FHIT: variants seen among roughly 807,000 people sequenced by gnomAD.
The protein encoded by FHIT is bis(5'-adenosyl)-triphosphatase.
In FHIT, 19 loss-of-function variants were observed where a neutral mutation model predicts 17.9. The observed-to-expected ratio is 1.06, with a 90% CI of 0.74 to 1.56. The LOEUF (loss-of-function observed/expected upper bound fraction) is 1.56, where lower values mean the gene tolerates loss of function less well. Ranked by LOEUF, FHIT falls within the 40% of genes most tolerant of loss-of-function variation. The pLI, the probability that FHIT is intolerant of heterozygous loss-of-function variation, is 0.00. For missense variants in FHIT, 248 were observed against 189.2 expected (o/e 1.31, Z -1.82); for synonymous variants, 81 against 69.7 (o/e 1.16, Z -0.81).
intron 4 of FHIT, among the ~76,000 whole-genome samples, chr3:60,564,057 T>C (rs977696753): frequency 2.0e-5 from 3 of 152,118 alleles, no homozygotes; most frequent in Non-Finnish European, 1.5e-5. Context: ...AAACTGAATC[T>C]CTTGTTAGGG....
chr3:60,221,748 T>A (rs569094777), intron 5 of FHIT, among the ~76,000 whole-genome samples: 2 of 152,218 alleles, frequency 1.3e-5, no homozygotes, highest in Admixed American at 6.5e-5. Flanking sequence ...TTCCCATAGA[T>A]CTTTTAATGA....
chr3:60,893,463 T>C (rs1553761164), intron 3 of FHIT, among the ~76,000 whole-genome samples: 2 of 152,200 alleles, frequency 1.3e-5, no homozygotes, highest in African/African-American at 4.8e-5. Flanking sequence ...TTTCCTACAC[T>C]TTAAAGTGTA....
chr3:60,193,560 G>T (rs1241298367), intron 5 of FHIT, among the ~76,000 whole-genome samples: 1 of 152,178 alleles, frequency 6.6e-6, no homozygotes, highest in East Asian at 1.9e-4. Flanking sequence ...GGACATAGAT[G>T]AGGCAGAAAA....
intron 7 of FHIT, among the ~76,000 whole-genome samples, chr3:59,973,061 C>T (rs886547159): frequency 5.3e-5 from 8 of 152,086 alleles, no homozygotes; most frequent in African/African-American, 1.9e-4. Context: ...TCCTCTAACT[C>T]TTAAAGTACT....
At chr3:60,098,490 G>GT (rs1231500291) in intron 5 of FHIT, among the ~76,000 whole-genome samples, 3 of 151,874 alleles carry the variant, frequency 2.0e-5, no homozygotes, top group African/African-American at 7.3e-5. Flanking sequence ...TTTTTCATGT[G>GT]TTTTTTGGCT....
intron 3 of FHIT, among the ~76,000 whole-genome samples, chr3:60,824,899 T>G (rs1702060640): frequency 6.6e-6 from 1 of 152,216 alleles, no homozygotes; most frequent in South Asian, 2.1e-4. Context: ...AACTTCTTTC[T>G]GTTGTAAATT....
intron 5 of FHIT, among the ~76,000 whole-genome samples, chr3:60,386,166 G>A (rs1023849854): frequency 1.3e-5 from 2 of 152,020 alleles, no homozygotes; most frequent in Non-Finnish European, 2.9e-5. Flanking sequence ...TTCCATAGAC[G>A]CTACTCACTG....
intron 4 of FHIT, among the ~76,000 whole-genome samples, chr3:60,652,154 G>A (rs2040004850): frequency 6.6e-6 from 1 of 152,094 alleles, no homozygotes; most frequent in Non-Finnish European, 1.5e-5. Context: ...AGATTGGTGG[G>A]GCTGAAAAGG....
chr3:60,524,112 C>T lies in FHIT; in HGVS notation c.103+12748G>A, dbSNP rs566975248. On this transcript the variant is annotated intron_variant, in intron 5 of 9. Coordinates refer to ENST00000492590, the MANE Select transcript of FHIT (RefSeq NM_002012.4). Reference sequence around the variant, plus strand: ...TACTGAACACCTCCTATGAGCCTGGCCCTGCCCAGGCAGAGGAGATGCATT... The same window carrying T: ...TACTGAACACCTCCTATGAGCCTGGTCCTGCCCAGGCAGAGGAGATGCATT... Among the ~76,000 whole-genome samples the T allele has an allele frequency of 9.2e-5, 14 of 152,150 alleles. No individual in the cohort carries two copies. In the East Asian group the frequency reaches 2.7e-3, roughly 29 times the overall value.
intron 5 of FHIT, among the ~76,000 whole-genome samples, chr3:60,314,246 G>C (rs1709071204): frequency 6.6e-6 from 1 of 152,076 alleles, no homozygotes; most frequent in African/African-American, 2.4e-5. Context: ...AAGAGATATA[G>C]GATTTCTTTT....
chr3:60,563,256 T>A (rs2037018146), intron 4 of FHIT, among the ~76,000 whole-genome samples: 1 of 152,140 alleles, frequency 6.6e-6, no homozygotes, highest in Non-Finnish European at 1.5e-5. Flanking sequence ...GAGCTAATAA[T>A]ACTTACTGAT....
At chr3:59,908,844 A>ATTTTTTTTTTTT (rs1359496474) in intron 8 of FHIT, among the ~76,000 whole-genome samples, 1 of 150,754 alleles carries the variant, frequency 6.6e-6, no homozygotes, top group South Asian at 2.1e-4. Context: ...AGAACATTTC[A>ATTTTTTTTTTTT]TTTTTTAATA....
chr3:59,967,819 G>T (rs758827734), intron 7 of FHIT, among the ~76,000 whole-genome samples: 1 of 150,848 alleles, frequency 6.6e-6, no homozygotes, highest in Non-Finnish European at 1.5e-5. Context: ...GATGAACAAA[G>T]GAAGAAAAGA....
intron 5 of FHIT, among the ~76,000 whole-genome samples, chr3:60,096,038 T>C (rs1703933904): frequency 6.6e-6 from 1 of 152,194 alleles, no homozygotes; most frequent in African/African-American, 2.4e-5. Flanking sequence ...GGATTTTTTC[T>C]TGATCACTTT....
chr3:60,378,131 ATT>A, intron 5 of FHIT, among the ~76,000 whole-genome samples: 1 of 151,376 alleles, frequency 6.6e-6, no homozygotes, highest in Non-Finnish European at 1.5e-5. Context: ...GGTTCACGCC[ATT>A]TTCCCGCCTC....
chr3:60,538,554 C>T (rs1186888123), intron 4 of FHIT, among the ~76,000 whole-genome samples: 1 of 152,096 alleles, frequency 6.6e-6, no homozygotes, highest in African/African-American at 2.4e-5. Flanking sequence ...TACAAGGCTA[C>T]AGTAACCAAA....
intron 8 of FHIT, among the ~76,000 whole-genome samples, chr3:59,759,547 T>C (rs569637329): frequency 6.6e-6 from 1 of 152,306 alleles, no homozygotes; most frequent in South Asian, 2.1e-4. Context: ...CCAAGATTGC[T>C]CTGAACTAGT....
At chr3:60,970,492 A>G (rs1307500125) in intron 3 of FHIT, among the ~76,000 whole-genome samples, 3 of 152,110 alleles carry the variant, frequency 2.0e-5, no homozygotes, top group Non-Finnish European at 4.4e-5. Flanking sequence ...TCTTATCACT[A>G]TCTTAATATA....
At chr3:60,214,430 T>C (rs1387576349) in intron 5 of FHIT, among the ~76,000 whole-genome samples, 2 of 152,170 alleles carry the variant, frequency 1.3e-5, no homozygotes, top group African/African-American at 4.8e-5. Context: ...GTTCTTAGAC[T>C]ACACATAAAT....
Sources: allele counts gnomAD v4.1 joint callset (sites outside exome capture counted in the v4.1 genomes callset), GRCh38; gene constraint gnomAD v4.1.1; transcripts MANE v1.5; gene names NCBI Gene and HGNC (gene_info 2026-07-23, HGNC 2026-07-21).